Variants in ZNF362 observed in about 807,000 individuals in gnomAD.
ZNF362 encodes zinc finger protein 362.
ZNF362 carries 11 observed loss-of-function variants against 42.9 expected under a neutral mutation model. The observed-to-expected ratio is 0.26, with a 90% CI of 0.16 to 0.42. ZNF362 has a LOEUF of 0.42. ZNF362 is among the 20% of genes least tolerant of loss of function. The pLI is 1.00. For missense variants in ZNF362, 362 were observed against 576.2 expected (o/e 0.63, Z 3.81); for synonymous variants, 255 against 257.3 (o/e 0.99, Z 0.09).
the ZNF362 span, chr1:33,147,092 G>C: frequency 6.8e-7 from 1 of 1,481,266 alleles, no homozygotes. The surrounding 1 kb of genome is among the most constrained non-coding windows in gnomAD (Gnocchi z 8.1). Context: ...GCCACGGTGG[G>C]CTGGAGTCCA....
At chr1:33,147,280 CG>C in the ZNF362 span, 34 of 1,614,010 alleles carry the variant, frequency 2.1e-5, no homozygotes, top group Non-Finnish European at 2.9e-5. This position sits in a 1 kb window ranked among gnomAD's most constrained non-coding sequence, Gnocchi z 8.1. Flanking sequence ...GAACTTCTCG[CG>C]GAAGGTGTAG....
rs777441311 is a variant in ZNF362 at position 33,281,978 on chromosome 1, C to G, written c.908+167C>G. On this transcript the variant is annotated intron_variant, in intron 6 of 8. Transcript: ENST00000539719. This position sits in a 1 kb window ranked among gnomAD's most constrained non-coding sequence, Gnocchi z 4.8. ...TGGCCTCAGCTGTTGTTACTGCACC[C>G]CGTCCCCACTGTTTCTCATCTCTAG... The G allele has an allele frequency of 4.7e-6, 3 of 638,930 alleles. No homozygotes were observed. In the South Asian group the frequency reaches 5.6e-5, roughly 12 times the overall value. The allele number at this position is 638,930 out of a possible 1,614,324, so 39.6% of individuals were successfully genotyped here. A position where few individuals can be genotyped will look rare whatever the true frequency, so the allele number is the denominator to read the frequency against.
At chr1:33,136,115 C>CT in the ZNF362 span, among the ~76,000 whole-genome samples, 458 of 30,256 alleles carry the variant, frequency 0.015, 8 homozygotes, top group African/African-American at 0.047. Flanking sequence ...GGGGCCAGCC[C>CT]TTCCTTCCTT....
chr1:33,296,886 A>G (rs1646128694), intron 8 of ZNF362, among the ~76,000 whole-genome samples: 1 of 142,596 alleles, frequency 7.0e-6, no homozygotes, highest in South Asian at 2.2e-4. Flanking sequence ...CCCAGGCTGG[A>G]ATCAAAATCC....
the ZNF362 span, among the ~76,000 whole-genome samples, chr1:33,227,348 C>A: frequency 6.6e-6 from 1 of 152,158 alleles, no homozygotes; most frequent in Non-Finnish European, 1.5e-5. Flanking sequence ...TCTGTGACTT[C>A]TGAGGCTAGG....
intron 8 of ZNF362, among the ~76,000 whole-genome samples, chr1:33,296,334 C>G (rs1646124246): frequency 6.6e-6 from 1 of 152,068 alleles, no homozygotes; most frequent in African/African-American, 2.4e-5. Context: ...AGGGGCTGAG[C>G]TGCAGGGCCA....
chr1:33,296,948 G>C (rs949509191), intron 8 of ZNF362, among the ~76,000 whole-genome samples: 4 of 151,992 alleles, frequency 2.6e-5, no homozygotes, highest in Non-Finnish European at 5.9e-5. Context: ...GGGGCTACAG[G>C]TGTGCACCAC....
the ZNF362 span, among the ~76,000 whole-genome samples, chr1:33,223,080 G>A: frequency 5.3e-5 from 8 of 151,962 alleles, no homozygotes; most frequent in South Asian, 1.0e-3. Context: ...GTGAAACCCC[G>A]TCTCTACTAA....
At chr1:33,271,390 C>T (rs1645903018) in intron 2 of ZNF362, among the ~76,000 whole-genome samples, 1 of 152,220 alleles carries the variant, frequency 6.6e-6, no homozygotes, top group African/African-American at 2.4e-5. Flanking sequence ...CCAAGGCAGG[C>T]ATCACCTCCC....
chr1:33,290,516 A>G (rs1003402435), intron 6 of ZNF362, among the ~76,000 whole-genome samples: 3 of 152,130 alleles, frequency 2.0e-5, no homozygotes, highest in African/African-American at 7.2e-5. Context: ...TAGTGCCGCA[A>G]TAAACATACG....
Position 33,280,272 on chromosome 1 carries a change from G to C in ZNF362, c.498G>C (p.Gly166=). The C allele has an allele frequency of 1.2e-6, 2 of 1,614,004 alleles. No homozygotes were observed. The highest frequency in any genetic ancestry group is 1.7e-6 in the Non-Finnish European group (2 of 1,179,924). ...LIASSPTLIS[G]ITSPPLLDSI... ...CCTCGTCCCCCACCCTCATCTCAGGGATCACCAGCCCCCCTCTCCTGGACT... is the reference window on the plus strand; with the variant it reads ...CCTCGTCCCCCACCCTCATCTCAGGCATCACCAGCCCCCCTCTCCTGGACT... The change falls in exon 5 of 9, where the codon GGG becomes GGC. Residue 166 remains glycine (G), a synonymous_variant. Coordinates refer to ENST00000539719, the MANE Select transcript of ZNF362 (RefSeq NM_152493.3). The surrounding 1 kb of genome is among the most constrained non-coding windows in gnomAD (Gnocchi z 5.6).
chr1:33,147,301 A>C, the ZNF362 span: 1 of 1,614,102 alleles, frequency 6.2e-7, no homozygotes, highest in African/African-American at 1.3e-5. The surrounding 1 kb of genome is among the most constrained non-coding windows in gnomAD (Gnocchi z 8.1). Flanking sequence ...GAGCCAGGAC[A>C]TGTCATCAGC....
chr1:33,277,698 T>C (rs1367704181), intron 4 of ZNF362, among the ~76,000 whole-genome samples: 1 of 151,938 alleles, frequency 6.6e-6, no homozygotes, highest in Non-Finnish European at 1.5e-5. Flanking sequence ...TGTAGGAGCA[T>C]GAGGGGAGGG....
the ZNF362 span, among the ~76,000 whole-genome samples, chr1:33,130,186 A>G: frequency 6.6e-6 from 1 of 152,218 alleles, no homozygotes; most frequent in Non-Finnish European, 1.5e-5. Context: ...ATGGTGCACT[A>G]GGAGGCAAGG....
upstream of ZNF362, among the ~76,000 whole-genome samples, chr1:33,252,591 C>T (rs1459794036): frequency 6.6e-6 from 1 of 152,182 alleles, no homozygotes; most frequent in Non-Finnish European, 1.5e-5. Context: ...TTCTTTGTTA[C>T]TGCGGCATAG....
At chr1:33,216,717 G>A in the ZNF362 span, among the ~76,000 whole-genome samples, 8 of 151,512 alleles carry the variant, frequency 5.3e-5, no homozygotes, top group Non-Finnish European at 7.4e-5. Context: ...CAAAAGCTTC[G>A]CACTTATAGA....
chr1:33,227,812 G>A, the ZNF362 span, among the ~76,000 whole-genome samples: 1 of 151,914 alleles, frequency 6.6e-6, no homozygotes, highest in African/African-American at 2.4e-5. Context: ...CCTCATTCAG[G>A]TGCCCTAGAG....
intron 6 of ZNF362, among the ~76,000 whole-genome samples, chr1:33,292,127 G>A (rs1336252437): frequency 6.6e-6 from 1 of 152,130 alleles, no homozygotes; most frequent in East Asian, 1.9e-4. Flanking sequence ...GGTGAGAGAG[G>A]GCATCCCTGT....
chr1:33,165,688 T>C, the ZNF362 span: 1 of 753,316 alleles, frequency 1.3e-6, no homozygotes, highest in Non-Finnish European at 2.0e-6. The surrounding 1 kb of genome is among the most constrained non-coding windows in gnomAD (Gnocchi z 4.0). Context: ...AACACTTGCC[T>C]CCCGTCACAG....
Sources: allele counts gnomAD v4.1 joint callset (sites outside exome capture counted in the v4.1 genomes callset), GRCh38; gene constraint gnomAD v4.1.1; non-coding constraint Gnocchi (gnomAD v3.1); transcripts MANE v1.5; gene names NCBI Gene and HGNC (gene_info 2026-07-23, HGNC 2026-07-21).